ADAM7: variants seen among roughly 807,000 people sequenced by gnomAD.
ADAM7 encodes the protein ADAM metallopeptidase domain 7, also known as disintegrin and metalloproteinase domain-containing protein 7.
In ADAM7, 97 loss-of-function variants were observed where a neutral mutation model predicts 102.9. That is an observed-to-expected ratio of 0.94 (90% CI 0.80 to 1.12). The LOEUF is 1.12. ADAM7 is among the 50% of genes most tolerant of loss of function. The pLI is 0.00. For missense variants in ADAM7, 991 were observed against 908.7 expected (o/e 1.09, Z -1.16); for synonymous variants, 334 against 304.4 (o/e 1.10, Z -1.01).
At chr8:24,475,186 C>A (rs937294404) in intron 7 of ADAM7, among the ~76,000 whole-genome samples, 3 of 152,114 alleles carry the variant, frequency 2.0e-5, no homozygotes, top group African/African-American at 7.2e-5. Flanking sequence ...CATACCTAAC[C>A]ATTCCTCCTC....
At chr8:24,454,741 C>T (rs1818962134) in intron 3 of ADAM7, among the ~76,000 whole-genome samples, 1 of 152,190 alleles carries the variant, frequency 6.6e-6, no homozygotes, top group Admixed American at 6.5e-5. Context: ...CACCCGTCTT[C>T]TGCATCGCTC....
chr8:24,445,926 A>G (rs1015441917), intron 2 of ADAM7, among the ~76,000 whole-genome samples: 1 of 152,140 alleles, frequency 6.6e-6, no homozygotes, highest in Non-Finnish European at 1.5e-5. Flanking sequence ...TCCTTGTAAT[A>G]TCCCTGGCAC....
chr8:24,451,063 T>G (rs1818766458), intron 3 of ADAM7, among the ~76,000 whole-genome samples: 1 of 152,076 alleles, frequency 6.6e-6, no homozygotes, highest in Non-Finnish European at 1.5e-5. Flanking sequence ...AGCATTTTAT[T>G]GAGGATTTTT....
intron 7 of ADAM7, among the ~76,000 whole-genome samples, chr8:24,474,544 C>A (rs2129385421): frequency 6.6e-6 from 1 of 152,090 alleles, no homozygotes; most frequent in South Asian, 2.1e-4. Context: ...AGTTAATGAG[C>A]ATTCAATATG....
In ADAM7 at chr8:24,492,002, A is replaced by G. The variant is rs751821940; in HGVS notation, c.1456A>G (p.Arg486Gly). The G allele has an allele frequency of 9.3e-6, 15 of 1,613,870 alleles. No homozygotes were observed. Among genetic ancestry groups the G allele is most frequent in the Non-Finnish European group, 1.2e-5 (14 of 1,179,894 alleles). Residue 486 changes from arginine (R) to glycine (G), a missense_variant, in exon 14 of 22, where the codon AGG becomes GGG. By Grantham distance (125) the Arg-to-Gly change is moderately radical. Coordinates refer to ENST00000175238, the MANE Select transcript of ADAM7 (RefSeq NM_003817.4). ...HSPACPKDQF[R>G]VNGFPCKNSE... ...GCCTGCCTGTCCTAAGGACCAGTTC[A>G]GGGTCAATGGATTTCCTTGCAAGAA...
chr8:24,447,647 G>A (rs950241861), intron 3 of ADAM7, among the ~76,000 whole-genome samples: 5 of 152,148 alleles, frequency 3.3e-5, no homozygotes, highest in African/African-American at 1.2e-4. Flanking sequence ...TTCCATTGCA[G>A]AGTAAACTAA....
At chr8:24,478,087 T>C (rs1819828837) in intron 8 of ADAM7, among the ~76,000 whole-genome samples, 1 of 152,160 alleles carries the variant, frequency 6.6e-6, no homozygotes, top group African/African-American at 2.4e-5. Flanking sequence ...ATTAACTATC[T>C]CACAATTTTT....
intron 14 of ADAM7, 72 bp downstream of exon 14, chr8:24,492,170 T>C (rs1342706508): frequency 7.0e-7 from 1 of 1,437,544 alleles, no homozygotes; most frequent in Non-Finnish European, 9.5e-7. Flanking sequence ...CCTGTAGGAA[T>C]TGGGTCAAGA....
chr8:24,449,880 T>G (rs1818714271), intron 3 of ADAM7, among the ~76,000 whole-genome samples: 1 of 152,222 alleles, frequency 6.6e-6, no homozygotes, highest in Non-Finnish European at 1.5e-5. Flanking sequence ...CTAGCCAGTT[T>G]TCCCAGCACC....
At chr8:24,482,596 A>G (rs1819995158) in intron 9 of ADAM7, among the ~76,000 whole-genome samples, 1 of 152,064 alleles carries the variant, frequency 6.6e-6, no homozygotes, top group South Asian at 2.1e-4. Flanking sequence ...AAAAAATTTA[A>G]AAATTAGCTG....
At chr8:24,480,650 G>A (rs558798007) in intron 8 of ADAM7, among the ~76,000 whole-genome samples, 20 of 152,196 alleles carry the variant, frequency 1.3e-4, no homozygotes, top group African/African-American at 4.6e-4. Flanking sequence ...TTTTGTAAAC[G>A]TAAAGCCCAT....
chr8:24,497,738 A>G (rs1295561446), intron 16 of ADAM7, among the ~76,000 whole-genome samples: 2 of 152,190 alleles, frequency 1.3e-5, no homozygotes, highest in African/African-American at 2.4e-5. Flanking sequence ...ATTTATAGAA[A>G]GAGATGAAGG....
intron 18 of ADAM7, 143 bp from the exon 19 acceptor site, chr8:24,500,647 T>C: frequency 1.5e-6 from 1 of 646,796 alleles, no homozygotes; most frequent in Non-Finnish European, 2.6e-6. Flanking sequence ...CTTTTTACTT[T>C]ACATAAAAAT....
At chr8:24,482,851 G>T (rs1038874311) in intron 9 of ADAM7, among the ~76,000 whole-genome samples, 1 of 152,024 alleles carries the variant, frequency 6.6e-6, no homozygotes, top group Admixed American at 6.6e-5. Context: ...ATATTCCTTG[G>T]TAGACTTAAA....
intron 7 of ADAM7, among the ~76,000 whole-genome samples, chr8:24,472,301 G>A (rs1415918417): frequency 6.6e-6 from 1 of 151,684 alleles, no homozygotes; most frequent in African/African-American, 2.4e-5. Flanking sequence ...AAAAGAATAT[G>A]TATTTTTTTC....
chr8:24,480,961 C>T (rs1420855446), intron 8 of ADAM7, among the ~76,000 whole-genome samples: 1 of 152,110 alleles, frequency 6.6e-6, no homozygotes, highest in Admixed American at 6.6e-5. Flanking sequence ...ACTCAGGAAG[C>T]TGAGGTGGGA....
At chr8:24,488,785 A>T (rs1820234394) in intron 11 of ADAM7, among the ~76,000 whole-genome samples, 2 of 152,248 alleles carry the variant, frequency 1.3e-5, no homozygotes, top group South Asian at 2.1e-4. Flanking sequence ...TTATTTTTTT[A>T]AAATCACACA....
chr8:24,450,543 A>AT (rs1204736537), intron 3 of ADAM7, among the ~76,000 whole-genome samples: 15 of 151,966 alleles, frequency 9.9e-5, no homozygotes, highest in Admixed American at 9.8e-4. Flanking sequence ...GCTTAAGGAG[A>AT]TTTTGGGCTG....
chr8:24,481,894 T>C (rs893829590), intron 8 of ADAM7, among the ~76,000 whole-genome samples: 7 of 152,150 alleles, frequency 4.6e-5, no homozygotes, highest in Non-Finnish European at 7.4e-5. Context: ...GTAAGACTTA[T>C]GATAGTTCGA....
Sources: allele counts gnomAD v4.1 joint callset (sites outside exome capture counted in the v4.1 genomes callset), GRCh38; gene constraint gnomAD v4.1.1; transcripts MANE v1.5; gene names NCBI Gene and HGNC (gene_info 2026-07-23, HGNC 2026-07-21).